ARHGAP33: variants seen among roughly 807,000 people sequenced by gnomAD.
The protein encoded by ARHGAP33 is Rho GTPase activating protein 33.
In ARHGAP33, 57 loss-of-function variants were observed where a neutral mutation model predicts 126.2. That is an observed-to-expected ratio of 0.45 (90% CI 0.36 to 0.56). The LOEUF (loss-of-function observed/expected upper bound fraction) is 0.56, where lower values mean the gene tolerates loss of function less well. Among genes scored for constraint, ARHGAP33 ranks in the 20% least tolerant of loss-of-function variants. ARHGAP33 has a pLI of 0.00. For missense variants in ARHGAP33, 1,500 were observed against 1,748.3 expected, an observed-to-expected ratio of 0.86 and a Z score of 2.53; for synonymous variants, 711 against 755.0, an observed-to-expected ratio of 0.94 and a Z score of 0.95.
At chr19:35,784,135 C>A in intron 15 of ARHGAP33, 37 bp from the exon 16 acceptor site, 1 of 1,582,802 alleles carries the variant, frequency 6.3e-7, no homozygotes, top group Admixed American at 1.7e-5. Flanking sequence ...TGGCTGGGCT[C>A]AAGGCACCCA....
chr19:35,787,858 C>G lies in ARHGAP33; in HGVS notation c.3293C>G (p.Ser1098Cys), dbSNP rs1173017762. The change falls in exon 21 of 21, where the codon TCT (serine) becomes TGT (cysteine). Residue 1098 changes from serine to cysteine, a missense_variant. Around this residue, in one of 6 missense-constraint regions of ARHGAP33, gnomAD observed 642 missense variants for 634.0 expected, o/e 1.01. Transcript: ENST00000007510. ...EIGASEGSPY[S>C]GPTRSWSPFR... is the part of the protein sequence containing the mutation. ...GGGGCAAGTGAGGGGTCCCCCTATT[C>G]TGGCCCCACCCGCTCCTGGAGTCCC... 3 of 1,608,676 alleles carry G rather than the reference C, an allele frequency of 1.9e-6. No homozygotes were observed. Among genetic ancestry groups the G allele is most frequent in the Admixed American group, 1.7e-5 (1 of 58,884 alleles).
At chr19:35,777,931 C>A (rs2146682847) in intron 3 of ARHGAP33, 23 bp downstream of exon 3, 1 of 1,611,276 alleles carries the variant, frequency 6.2e-7, no homozygotes, top group Non-Finnish European at 8.5e-7. Context: ...TGCATTTGCA[C>A]CCAGGAGGGA....
chr19:35,777,981 T>C, intron 3 of ARHGAP33, 73 bp downstream of exon 3: 1 of 1,540,310 alleles, frequency 6.5e-7, no homozygotes, highest in Non-Finnish European at 9.0e-7. Flanking sequence ...TATCAGGTGC[T>C]TTGCTTCTGA....
Position 35,787,057 on chromosome 19 carries a change from G to A in ARHGAP33, c.2587G>A (p.Ala863Thr). Residue 863 changes from alanine (A) to threonine (T), a missense_variant, in exon 20 of 21, where the codon GCC becomes ACC. Transcript: ENST00000007510. ...QQEMCSKLRG[A>T]QGPLGPDMES... ...GGAGATGTGCAGCAAGCTCCGGGGA[G>A]CCCAGGGCCCACTCGGTGAGTCCTC... The A allele has an allele frequency of 6.2e-7, 1 of 1,603,748 alleles. No homozygotes were observed. The highest frequency in any genetic ancestry group is 8.5e-7 in the Non-Finnish European group (1 of 1,174,510).
Position 35,788,586 on chromosome 19 carries a change from A to C in ARHGAP33, c.*157A>C. 1.5e-6 allele frequency: 1 copy of C among 647,050 alleles called. No homozygotes were observed. Among genetic ancestry groups the C allele is most frequent in the Non-Finnish European group, 2.5e-6 (1 of 400,764 alleles). 40.1% of individuals were successfully genotyped at this position (647,050 alleles called of 1,614,324 possible). A position where few individuals can be genotyped will look rare whatever the true frequency, so the allele number is the denominator to read the frequency against. ...ATGTGGGTCCCTAACCTATAATCTC[A>C]GCTTCCCTACCCTGGACTGAAGGGT... is the stretch of plus-strand genomic sequence containing the variant. On this transcript the variant is annotated 3_prime_UTR_variant, in exon 21 of 21. Transcript: ENST00000007510.
Position 35,778,322 on chromosome 19 carries a change from G to A in ARHGAP33, c.232G>A (p.Glu78Lys). The A allele has an allele frequency of 6.2e-7, 1 of 1,614,210 alleles. No individual in the cohort carries two copies. Among genetic ancestry groups the A allele is most frequent in the Middle Eastern group, 1.6e-4 (1 of 6,062 alleles). ...CCGTGAAGGGCCCAGCCTCTCTGGA[G>A]AGAATGAGCTGGTGTTCGGGGTGCA... ...PDREGPSLSG[E>K]NELVFGVQVT... The change falls in exon 4 of 21, where the codon GAG becomes AAG. Residue 78 changes from glutamate to lysine, a missense_variant. By Grantham distance (56) the Glu-to-Lys change is moderately conservative. Around this residue, in one of 6 missense-constraint regions of ARHGAP33, gnomAD observed 129 missense variants for 145.9 expected, o/e 0.88. Transcript: ENST00000007510.
At position 35,778,553 on chromosome 19, in the gene ARHGAP33, C is replaced by T; in HGVS notation, c.360C>T (p.Ser120=). The T allele has an allele frequency of 2.5e-6, 4 of 1,614,180 alleles. No homozygotes were observed. Among genetic ancestry groups the T allele is most frequent in the Non-Finnish European group, 3.4e-6 (4 of 1,180,028 alleles). The change falls in exon 5 of 21, where the codon TCC becomes TCT. Residue 120 remains serine, a synonymous_variant. Coordinates refer to ENST00000007510, the MANE Select transcript of ARHGAP33 (RefSeq NM_001366178.1). ...GGTGCATATTTGACCGGAGGTTCTCCTGCCTTCCGGAGCTTCCCCCGCCCC... is the reference window on the plus strand; with the variant it reads ...GGTGCATATTTGACCGGAGGTTCTCTTGCCTTCCGGAGCTTCCCCCGCCCC... ...LHRCIFDRRF[S]CLPELPPPPE... is the part of the protein sequence containing the mutation.
In ARHGAP33 at chr19:35,784,333, C is replaced by T; in HGVS notation, c.1567+16C>T. 1 of 1,542,870 alleles carries T rather than the reference C, an allele frequency of 6.5e-7. No individual in the cohort carries two copies. Among genetic ancestry groups the T allele is most frequent in the South Asian group, 1.2e-5 (1 of 80,700 alleles). On this transcript the variant is annotated intron_variant, in intron 16 of 20. Transcript: ENST00000007510. ...GACCCTGCAGGTATGCCCTCCCACC[C>T]CCTGAGGTCCTGGCTACTGCCCACC...
Position 35,777,845 on chromosome 19 carries a change from C to A in ARHGAP33, c.126C>A (p.Pro42=), listed in dbSNP as rs1194409611. Residue 42 remains proline, a synonymous_variant, in exon 3 of 21, where the codon CCC becomes CCA. Coordinates refer to ENST00000007510, the MANE Select transcript of ARHGAP33 (RefSeq NM_001366178.1). ...CCAGGCTCTCAGCTCCTCGAGGCCCCTTCCCGCGGCTGGCTGACTGCGCCC... is the reference window on the plus strand; with the variant it reads ...CCAGGCTCTCAGCTCCTCGAGGCCCATTCCCGCGGCTGGCTGACTGCGCCC... ...PGKRLSAPRG[P]FPRLADCAHF... The A allele has an allele frequency of 6.2e-7, 1 of 1,614,232 alleles. No individual in the cohort carries two copies. The highest frequency in any genetic ancestry group is 1.1e-5 in the South Asian group (1 of 91,088).
intron 5 of ARHGAP33, 21 bp downstream of exon 5, chr19:35,778,622 G>T (rs1415447717): frequency 1.2e-6 from 2 of 1,608,116 alleles, no homozygotes; most frequent in Non-Finnish European, 8.5e-7. Context: ...TGTTGTCTCA[G>T]CCCCTGCCTC....
Position 35,778,768 on chromosome 19 carries a change from A to T in ARHGAP33, c.408+167A>T. ...TAGAAACGTAGTAGGCTTCTGCTAC[A>T]TTTAGCTTTGCTAAGTTTTAGGATC... On this transcript the variant is annotated intron_variant, in intron 5 of 20. Coordinates refer to ENST00000007510, the MANE Select transcript of ARHGAP33 (RefSeq NM_001366178.1). The T allele has an allele frequency of 5.4e-6, 6 of 1,119,334 alleles. No homozygotes were observed. The South Asian group carries it at 6.6e-5, about 12-fold the overall frequency. 69.3% of individuals were successfully genotyped at this position (1,119,334 alleles called of 1,614,324 possible).
chr19:35,776,875 T>C (rs231226), intron 1 of ARHGAP33, among the ~76,000 whole-genome samples: 73,715 of 152,054 alleles, frequency 0.48, 18,999 homozygotes, highest in East Asian at 0.75. Context: ...AGATGCCAGG[T>C]GCAGCCTGAA....
Position 35,778,317 on chromosome 19 carries a change from C to T in ARHGAP33, c.227C>T (p.Ser76Phe), listed in dbSNP as rs748414370. The change falls in exon 4 of 21, where the codon TCT becomes TTT. Residue 76 changes from serine (S) to phenylalanine (F), a missense_variant. Coordinates refer to ENST00000007510, the MANE Select transcript of ARHGAP33 (RefSeq NM_001366178.1). ...CCAGACCGTGAAGGGCCCAGCCTCT[C>T]TGGAGAGAATGAGCTGGTGTTCGGG... ...LSPDREGPSL[S>F]GENELVFGVQ... 1.2e-6 allele frequency: 2 copies of T among 1,614,206 alleles called. No individual in the cohort carries two copies. The highest frequency in any genetic ancestry group is 8.5e-7 in the Non-Finnish European group (1 of 1,180,026).
intron 1 of ARHGAP33, among the ~76,000 whole-genome samples, chr19:35,776,116 C>G (rs1328156596): frequency 7.0e-6 from 1 of 142,840 alleles, no homozygotes; most frequent in African/African-American, 2.6e-5. Flanking sequence ...CGCTCCATCC[C>G]CAGCCTGACC....
At chr19:35,785,919 A>G (rs1458991329) in intron 19 of ARHGAP33, 11 of 1,062,936 alleles carry the variant, frequency 1.0e-5, no homozygotes, top group East Asian at 1.6e-4. Context: ...AGTTCTAGCC[A>G]TTTTGGAAAC....
rs1195240642 is a variant in ARHGAP33 at position 35,779,590 on chromosome 19, C to T, written c.501+466C>T. Among the ~76,000 whole-genome samples the T allele has an allele frequency of 4.6e-5, 7 of 152,020 alleles. 1 individual carries two copies. The highest frequency in any genetic ancestry group is 4.2e-4 in the South Asian group (2 of 4,810). Reference sequence around the variant, plus strand: ...GATTACAGGCATGTGCCACCACGCCCGGCTAATTTTATATTTTCAGTAGAG... The same window carrying T: ...GATTACAGGCATGTGCCACCACGCCTGGCTAATTTTATATTTTCAGTAGAG... On this transcript the variant is annotated intron_variant, in intron 6 of 20. Transcript: ENST00000007510.
chr19:35,787,944 C>G lies in ARHGAP33; in HGVS notation c.3379C>G (p.Pro1127Ala). 6.7e-7 allele frequency: 1 copy of G among 1,489,730 alleles called. No individual in the cohort carries two copies. The allele number at this position is 1,489,730 out of a possible 1,614,324, so 92.3% of individuals were successfully genotyped here. A position where few individuals can be genotyped will look rare whatever the true frequency, so the allele number is the denominator to read the frequency against. ...ASYGMLGQSP[P>A]LHRSPDFLLS... The stretch of plus-strand genomic sequence containing the variant: ...CTACGGCATGCTTGGCCAATCACCC[C>G]CACTCCACAGGTCCCCCGACTTCCT... The change falls in exon 21 of 21, where the codon CCA (proline) becomes GCA (alanine). Residue 1127 changes from proline to alanine, a missense_variant. Physicochemically the swap from Pro to Ala is conservative, Grantham distance 27 (BLOSUM62 -1). Coordinates refer to ENST00000007510, the MANE Select transcript of ARHGAP33 (RefSeq NM_001366178.1).
chr19:35,780,792 C>G lies in ARHGAP33; in HGVS notation c.805C>G (p.Gln269Glu), dbSNP rs1275530376. Residue 269 changes from glutamine to glutamate, a missense_variant, in exon 10 of 21, where the codon CAG becomes GAG. Transcript: ENST00000007510. The stretch of plus-strand genomic sequence containing the variant: ...CCCCCCATGTGGCATCCCGGCTCCC[C>G]AGGGTATCTCGTCTCTGACCTCAGG... ...DGPPCGIPAP[Q>E]GISSLTSAVP... 6.2e-7 allele frequency: 1 copy of G among 1,613,992 alleles called. No individual in the cohort carries two copies. The highest frequency in any genetic ancestry group is 1.3e-5 in the African/African-American group (1 of 75,018).
At chr19:35,783,525 C>T (rs975779196) in intron 15 of ARHGAP33, among the ~76,000 whole-genome samples, 4 of 152,134 alleles carry the variant, frequency 2.6e-5, no homozygotes, top group African/African-American at 7.2e-5. Flanking sequence ...GAGTGACAGG[C>T]TGAGGGAACG....
Sources: gnomAD v4.1 joint callset for allele counts (sites outside exome capture counted in the v4.1 genomes callset) on GRCh38, gnomAD v4.1.1 for gene constraint, gnomAD v4.1.1 regional missense constraint, MANE v1.5 for transcripts, NCBI Gene and HGNC (gene_info 2026-07-23, HGNC 2026-07-21) for gene names.